The following KIF26B variants were observed in gnomAD, a reference collection of about 807,000 sequenced individuals.
KIF26B encodes kinesin family member 26B, also known as kinesin-like protein KIF26B.
Under a neutral mutation model 151.2 loss-of-function variants are expected in KIF26B, and 63 were observed. The ratio of observed to expected loss-of-function variants is 0.42; its 90% CI spans 0.34 to 0.51. KIF26B has a LOEUF of 0.51. KIF26B is among the 20% of genes least tolerant of loss of function. The probability of loss-of-function intolerance (pLI) is 0.07; values close to 1 mark genes in which losing one functional copy is unlikely to be tolerated. For synonymous variants in KIF26B, 1,357 were observed against 1,262.1 expected, an observed-to-expected ratio of 1.08 and a Z score of -1.59; for missense variants, 2,813 against 2,913.6, an observed-to-expected ratio of 0.97 and a Z score of 0.79.
At chr1:245,582,569 A>T (rs1043349132) in intron 5 of KIF26B, among the ~76,000 whole-genome samples, 3 of 152,258 alleles carry the variant, frequency 2.0e-5, no homozygotes, top group Non-Finnish European at 4.4e-5. Flanking sequence ...CCATAAATAT[A>T]TACAGTGTGG....
chr1:245,396,902 T>C (rs1161281267), intron 3 of KIF26B, among the ~76,000 whole-genome samples: 1 of 152,172 alleles, frequency 6.6e-6, no homozygotes, highest in Non-Finnish European at 1.5e-5. Flanking sequence ...TAGAATCAAG[T>C]TTTGTTATCA....
intron 2 of KIF26B, among the ~76,000 whole-genome samples, chr1:245,230,865 C>T (rs1382374195): frequency 6.6e-6 from 1 of 151,446 alleles, no homozygotes; most frequent in Non-Finnish European, 1.5e-5. Context: ...AATATAATTG[C>T]ACAAGCATTT....
chr1:245,613,712 G>GCTCTTTGCGGGCTT (rs1253323474), intron 9 of KIF26B, among the ~76,000 whole-genome samples: 1 of 152,216 alleles, frequency 6.6e-6, no homozygotes, highest in East Asian at 1.9e-4. Context: ...TGGGGAGAGA[G>GCTCTTTGCGGGCTT]CTCTTTGCGG....
chr1:245,200,067 G>A (rs921315309), intron 2 of KIF26B, among the ~76,000 whole-genome samples: 4 of 152,144 alleles, frequency 2.6e-5, no homozygotes, highest in Admixed American at 6.5e-5. Context: ...AAAAATTCAC[G>A]AGATTGTTCT....
chr1:245,157,604 T>C lies in KIF26B; in HGVS notation c.465+921T>C, dbSNP rs188996198. On this transcript the variant is annotated intron_variant, in intron 2 of 14. Coordinates refer to ENST00000407071, the MANE Select transcript of KIF26B (RefSeq NM_018012.4). The stretch of plus-strand genomic sequence containing the variant: ...CGTATGCAGATACACACGTTGATGT[T>C]TTCATAGGCAAGGGTTAAATTCAAC... Among the ~76,000 whole-genome samples, 10 of 152,348 alleles carry C rather than the reference T, an allele frequency of 6.6e-5. No homozygotes were observed. In the East Asian group the frequency reaches 1.9e-3, roughly 29 times the overall value.
chr1:245,437,088 T>C (rs911665565), intron 4 of KIF26B, among the ~76,000 whole-genome samples: 19 of 152,160 alleles, frequency 1.2e-4, no homozygotes, highest in African/African-American at 3.6e-4. Context: ...GATTCCGCCA[T>C]GTTGCCCAGG....
rs188657439 is a variant in KIF26B, at chr1:245,444,464, T to C, written c.1166+24719T>C. 4.1e-3 allele frequency among the ~76,000 whole-genome samples: 622 copies of C among 152,238 alleles called. 5 individuals are homozygous for C. Among genetic ancestry groups the C allele is most frequent in the African/African-American group, 0.013 (556 of 41,552 alleles). On this transcript the variant is annotated intron_variant, in intron 4 of 14. Transcript: ENST00000407071. ...TCCGTACCTTGCAGGAGGCAGCGGGTGCTGAGGAAATGGGAAAAGAGCCGC... is the reference window on the plus strand; with the variant it reads ...TCCGTACCTTGCAGGAGGCAGCGGGCGCTGAGGAAATGGGAAAAGAGCCGC...
At chr1:245,355,595 CAAAA>C (rs34799952) in intron 2 of KIF26B, among the ~76,000 whole-genome samples, 7 of 74,830 alleles carry the variant, frequency 9.4e-5, no homozygotes, top group Non-Finnish European at 1.4e-4. Flanking sequence ...GACCCTGTCT[CAAAA>C]AAAAAAAAAA....
At chr1:245,371,401 T>G (rs181467768) in intron 3 of KIF26B, 36 of 152,290 alleles carry the variant, frequency 2.4e-4, no homozygotes, top group African/African-American at 8.4e-4. Context: ...TTACCCATAC[T>G]CCCACTTCCC....
chr1:245,421,711 AAGTGAGGGTTCCC>A (rs1280773902), intron 4 of KIF26B, among the ~76,000 whole-genome samples: 1 of 152,066 alleles, frequency 6.6e-6, no homozygotes, highest in Non-Finnish European at 1.5e-5. Context: ...AAGAAATAAG[AAGTGAGGGTTCCC>A]AATTGGCAGA....
chr1:245,573,957 C>A (rs1324538807), intron 5 of KIF26B, among the ~76,000 whole-genome samples: 1 of 152,180 alleles, frequency 6.6e-6, no homozygotes, highest in Non-Finnish European at 1.5e-5. Context: ...GTGCAGTTTA[C>A]AACTTATGAA....
rs190422811 is a variant in KIF26B at position 245,282,877 on chromosome 1, T to C, written c.466-83957T>C. 341 of 257,360 alleles carry C rather than the reference T, an allele frequency of 1.3e-3. 2 individuals carry two copies. The highest frequency in any genetic ancestry group is 7.4e-3 in the African/African-American group (324 of 43,814). The allele number at this position is 257,360 out of a possible 1,614,324, so 15.9% of individuals were successfully genotyped here. On this transcript the variant is annotated intron_variant, in intron 2 of 14. Coordinates refer to ENST00000407071, the MANE Select transcript of KIF26B (RefSeq NM_018012.4). Reference sequence around the variant, plus strand: ...AGCAATTATTTTCCCTTATTGGCAGTCGGGCATACATGGAGTATTAATGCT... The same window carrying C: ...AGCAATTATTTTCCCTTATTGGCAGCCGGGCATACATGGAGTATTAATGCT...
intron 2 of KIF26B, among the ~76,000 whole-genome samples, chr1:245,162,208 G>A (rs144859164): frequency 6.6e-6 from 1 of 152,214 alleles, no homozygotes; most frequent in East Asian, 1.9e-4. Context: ...CATTTTGCAG[G>A]AATACAAGAC....
Position 245,686,508 on chromosome 1 carries a change from G to T in KIF26B, c.3525G>T (p.Thr1175=), listed in dbSNP as rs368242973. ...AGATCCTGAGCACCACGATGGTGACGGTGCAGCAGCCACTGGAGCTGAACG... is the reference window on the plus strand; with the variant it reads ...AGATCCTGAGCACCACGATGGTGACTGTGCAGCAGCCACTGGAGCTGAACG... ...KKEILSTTMV[T]VQQPLELNGE... Residue 1175 remains threonine (T), a synonymous_variant, in exon 12 of 15, where the codon ACG becomes ACT. Coordinates refer to ENST00000407071, the MANE Select transcript of KIF26B (RefSeq NM_018012.4). The surrounding 1 kb of genome is among the most constrained non-coding windows in gnomAD (Gnocchi z 5.6). 3 of 1,612,678 alleles carry T rather than the reference G, an allele frequency of 1.9e-6. No individual in the cohort carries two copies. Among genetic ancestry groups the T allele is most frequent in the Non-Finnish European group, 2.5e-6 (3 of 1,179,740 alleles).
chr1:245,182,020 G>C (rs1157253604), intron 2 of KIF26B, among the ~76,000 whole-genome samples: 2 of 152,136 alleles, frequency 1.3e-5, no homozygotes, highest in African/African-American at 2.4e-5. Flanking sequence ...ACGTGTGCGG[G>C]CCTAACTCTT....
chr1:245,422,809 C>T (rs1215424128), intron 4 of KIF26B, among the ~76,000 whole-genome samples: 1 of 152,108 alleles, frequency 6.6e-6, no homozygotes, highest in Non-Finnish European at 1.5e-5. Flanking sequence ...TTTCAGGAAG[C>T]TGTCCTGGGC....
chr1:245,359,109 C>A (rs994274462), intron 2 of KIF26B, among the ~76,000 whole-genome samples: 4 of 152,056 alleles, frequency 2.6e-5, no homozygotes, highest in African/African-American at 9.7e-5. Context: ...GCCTCCGCCT[C>A]CTGTGTTCCA....
chr1:245,442,640 A>C (rs1659134179), intron 4 of KIF26B, among the ~76,000 whole-genome samples: 1 of 146,278 alleles, frequency 6.8e-6, no homozygotes, highest in African/African-American at 2.6e-5. Context: ...GAAGCAGCAG[A>C]GGTGAGCGGT....
At chr1:245,596,218 T>A (rs1003093666) in intron 5 of KIF26B, among the ~76,000 whole-genome samples, 3 of 152,214 alleles carry the variant, frequency 2.0e-5, no homozygotes, top group African/African-American at 7.2e-5. Context: ...ATCTGTTTGC[T>A]CTTGCTTCTC....
Sources: gnomAD v4.1 joint callset for allele counts (sites outside exome capture counted in the v4.1 genomes callset) on GRCh38, gnomAD v4.1.1 for gene constraint, Gnocchi (gnomAD v3.1) non-coding constraint, MANE v1.5 for transcripts, NCBI Gene and HGNC (gene_info 2026-07-23, HGNC 2026-07-21) for gene names.